Variants in CAMKMT observed in about 807,000 individuals in gnomAD.
CAMKMT encodes the protein calmodulin-lysine N-methyltransferase, also known as CaM KMT.
A neutral mutation model predicts 48.0 loss-of-function variants in CAMKMT; 53 were observed. The observed-to-expected ratio is 1.10, with a 90% CI of 0.89 to 1.39. The LOEUF is 1.39. CAMKMT is among the 40% of genes most tolerant of loss of function. The pLI is 0.00. For missense variants in CAMKMT, 428 were observed against 402.7 expected (o/e 1.06, Z -0.54); for synonymous variants, 165 against 152.3 (o/e 1.08, Z -0.61).
At chr2:44,706,408 C>T in intron 5 of CAMKMT, 67 bp downstream of exon 5, 13 of 1,503,508 alleles carry the variant, frequency 8.6e-6, no homozygotes, top group Non-Finnish European at 1.2e-5. Context: ...TCCAGGGCCT[C>T]CAACTGCTGG....
intron 3 of CAMKMT, among the ~76,000 whole-genome samples, chr2:44,425,751 A>G (rs1684236092): frequency 6.7e-6 from 1 of 149,560 alleles, no homozygotes; most frequent in South Asian, 2.1e-4. Flanking sequence ...TTTTTCCGAG[A>G]CAGAGTTTCA....
At chr2:44,608,165 C>T (rs568726156) in intron 3 of CAMKMT, among the ~76,000 whole-genome samples, 21 of 149,584 alleles carry the variant, frequency 1.4e-4, no homozygotes, top group African/African-American at 3.9e-4. Flanking sequence ...CTCCGCCTCC[C>T]GGGTTCACGC....
chr2:44,592,070 G>C (rs1332727682), intron 3 of CAMKMT, among the ~76,000 whole-genome samples: 1 of 151,650 alleles, frequency 6.6e-6, no homozygotes, highest in African/African-American at 2.4e-5. Context: ...TTGTGGGGTG[G>C]GGGGAAGGGG....
chr2:44,439,922 CAG>C (rs1244237442), intron 3 of CAMKMT, among the ~76,000 whole-genome samples: 2 of 152,078 alleles, frequency 1.3e-5, no homozygotes, highest in Non-Finnish European at 2.9e-5. Context: ...GAGCCAACAA[CAG>C]AGTTACTGAA....
At chr2:44,721,083 A>ATC (rs1200757559) in intron 7 of CAMKMT, among the ~76,000 whole-genome samples, 1 of 152,178 alleles carries the variant, frequency 6.6e-6, no homozygotes, top group African/African-American at 2.4e-5. Context: ...AAACAATCAC[A>ATC]TCATCTGCAG....
At chr2:44,652,712 C>T (rs929370615) in intron 3 of CAMKMT, among the ~76,000 whole-genome samples, 4 of 152,146 alleles carry the variant, frequency 2.6e-5, no homozygotes, top group African/African-American at 4.8e-5. Flanking sequence ...AGAGAAAAGG[C>T]GGGGTCTAGT....
chr2:44,611,592 A>G (rs900747428), intron 3 of CAMKMT, among the ~76,000 whole-genome samples: 1 of 152,112 alleles, frequency 6.6e-6, no homozygotes, highest in Non-Finnish European at 1.5e-5. Context: ...ACACCCACAA[A>G]AGGGAGTTTA....
intron 3 of CAMKMT, among the ~76,000 whole-genome samples, chr2:44,630,600 A>C (rs1672755762): frequency 6.6e-6 from 1 of 151,832 alleles, no homozygotes; most frequent in African/African-American, 2.4e-5. Flanking sequence ...ATGAACAGAC[A>C]CTTCTCAAAA....
At chr2:44,651,670 A>G (rs934581851) in intron 3 of CAMKMT, among the ~76,000 whole-genome samples, 4 of 152,242 alleles carry the variant, frequency 2.6e-5, no homozygotes, top group South Asian at 2.1e-4. Flanking sequence ...AGTCAGCAAC[A>G]GTGAGATAGT....
At chr2:44,419,804 CAAT>C (rs1325772211) in intron 3 of CAMKMT, among the ~76,000 whole-genome samples, 1 of 152,140 alleles carries the variant, frequency 6.6e-6, no homozygotes, top group African/African-American at 2.4e-5. Context: ...CTATTGTGCA[CAAT>C]GATCACACCT....
At chr2:44,395,038 G>GA (rs1469365630) in intron 3 of CAMKMT, 7 of 440,370 alleles carry the variant, frequency 1.6e-5, no homozygotes, top group Admixed American at 2.5e-5. Context: ...TTTTCTAGAG[G>GA]AAAAAAAATT....
chr2:44,715,347 C>T lies in CAMKMT; in HGVS notation c.617C>T (p.Ser206Leu), dbSNP rs559060385. The T allele has an allele frequency of 1.9e-6, 3 of 1,611,668 alleles. No homozygotes were observed. In the South Asian group the frequency reaches 3.3e-5, roughly 18 times the overall value. Residue 206 changes from serine (S) to leucine (L), a missense_variant, in exon 7 of 11, where the codon TCA becomes TTA. By Grantham distance (145) the Ser-to-Leu change is moderately radical. Transcript: ENST00000378494. Reference sequence around the variant, plus strand: ...GGTGTGTTTAAGACCCAGAAAATATCAAGCTGGTAAGATACCTTTCTGCAT... The same window carrying T: ...GGTGTGTTTAAGACCCAGAAAATATTAAGCTGGTAAGATACCTTTCTGCAT... ...KAGVFKTQKI[S>L]SCVLRWDNET...
At chr2:44,438,118 T>C (rs966669994) in intron 3 of CAMKMT, among the ~76,000 whole-genome samples, 3 of 152,166 alleles carry the variant, frequency 2.0e-5, no homozygotes, top group African/African-American at 7.2e-5. Flanking sequence ...ACCAAGAGGT[T>C]AAGTAATTTC....
At chr2:44,656,623 C>T (rs6711405) in intron 3 of CAMKMT, among the ~76,000 whole-genome samples, 45,956 of 151,888 alleles carry the variant, frequency 0.3, 7,085 homozygotes, top group East Asian at 0.47. Flanking sequence ...CTATGACAGT[C>T]GCTCTGTTTC....
At chr2:44,535,546 A>T (rs550748645) in intron 3 of CAMKMT, among the ~76,000 whole-genome samples, 65 of 152,372 alleles carry the variant, frequency 4.3e-4, no homozygotes, top group Admixed American at 9.1e-4. Context: ...CACCATGATC[A>T]AGTGGGATTT....
chr2:44,760,146 A>G (rs1232549416), intron 9 of CAMKMT, among the ~76,000 whole-genome samples: 2 of 152,182 alleles, frequency 1.3e-5, no homozygotes, highest in African/African-American at 4.8e-5. Flanking sequence ...ACAGTGCAAT[A>G]TGGTGGGTGC....
chr2:44,464,982 A>C (rs1668035516), intron 3 of CAMKMT, among the ~76,000 whole-genome samples: 1 of 152,218 alleles, frequency 6.6e-6, no homozygotes. Flanking sequence ...TTCCAAAGTG[A>C]TTCCAATTTA....
At chr2:44,563,017 A>G (rs1380961163) in intron 3 of CAMKMT, among the ~76,000 whole-genome samples, 1 of 152,228 alleles carries the variant, frequency 6.6e-6, no homozygotes, top group African/African-American at 2.4e-5. Context: ...TTTAACAGAC[A>G]TTACATTATT....
At chr2:44,644,409 T>C (rs565347345) in intron 3 of CAMKMT, among the ~76,000 whole-genome samples, 15 of 152,236 alleles carry the variant, frequency 9.9e-5, no homozygotes, top group Non-Finnish European at 1.9e-4. Flanking sequence ...CAACTTGGCT[T>C]GTGTGTTCTC....
Sources: gnomAD v4.1 joint callset for allele counts (sites outside exome capture counted in the v4.1 genomes callset) on GRCh38, gnomAD v4.1.1 for gene constraint, MANE v1.5 for transcripts, NCBI Gene and HGNC (gene_info 2026-07-23, HGNC 2026-07-21) for gene names.